Variants in DOCK3 observed in about 807,000 individuals in gnomAD.
The protein encoded by DOCK3 is dedicator of cytokinesis protein 3.
In DOCK3, 60 loss-of-function variants were observed where a neutral mutation model predicts 265.6. The ratio of observed to expected loss-of-function variants is 0.23; its 90% CI spans 0.18 to 0.28. DOCK3 has a LOEUF of 0.28. DOCK3 is among the 10% of genes least tolerant of loss of function. The pLI is 1.00. For synonymous variants in DOCK3, 881 were observed against 938.0 expected, an observed-to-expected ratio of 0.94 and a Z score of 1.11; for missense variants, 1,981 against 2,594.3, an observed-to-expected ratio of 0.76 and a Z score of 5.14.
At chr3:51,194,321 A>G (rs1319526482) in intron 12 of DOCK3, among the ~76,000 whole-genome samples, 4 of 152,166 alleles carry the variant, frequency 2.6e-5, no homozygotes, top group Non-Finnish European at 5.9e-5. Context: ...TTGTGGCCTA[A>G]CATTTGGTCT....
intron 22 of DOCK3, among the ~76,000 whole-genome samples, chr3:51,258,329 C>T (rs2108744076): frequency 6.6e-6 from 1 of 152,334 alleles, no homozygotes; most frequent in East Asian, 1.9e-4. Flanking sequence ...CCTGTCTTTA[C>T]TTCCAGTGCT....
chr3:51,143,954 C>T (rs982522980), intron 9 of DOCK3, among the ~76,000 whole-genome samples: 3 of 152,154 alleles, frequency 2.0e-5, no homozygotes, highest in South Asian at 4.1e-4. Flanking sequence ...ATACAAGATA[C>T]TTGTCTTCAT....
chr3:50,781,267 C>CTTTTT (rs34844040), intron 2 of DOCK3, among the ~76,000 whole-genome samples: 1 of 120,490 alleles, frequency 8.3e-6, no homozygotes, highest in Non-Finnish European at 1.7e-5. Context: ...TATAGTAGTT[C>CTTTTT]TTTTTTTTTT....
At chr3:51,082,307 C>T (rs1463907696) in intron 7 of DOCK3, among the ~76,000 whole-genome samples, 1 of 151,958 alleles carries the variant, frequency 6.6e-6, no homozygotes, top group Non-Finnish European at 1.5e-5. Flanking sequence ...ACCCGAATCT[C>T]CACACCCCTG....
intron 4 of DOCK3, chr3:50,901,545 G>C (rs2049196274): frequency 2.3e-6 from 1 of 444,344 alleles, no homozygotes; most frequent in Admixed American, 2.4e-5. Context: ...AGTTAGCTCA[G>C]TGTCTGCCCA....
chr3:50,889,927 A>G (rs956751353), intron 3 of DOCK3, 99 bp from the exon 4 acceptor site: 1 of 930,772 alleles, frequency 1.1e-6, no homozygotes, highest in Non-Finnish European at 1.5e-6. Flanking sequence ...CAGGAGATCT[A>G]CTATGTTTCT....
chr3:50,895,875 C>T (rs148032527), intron 4 of DOCK3, among the ~76,000 whole-genome samples: 2,904 of 152,148 alleles, frequency 0.019, 104 homozygotes, highest in African/African-American at 0.066. Context: ...CATAGTATTC[C>T]GTGGTGTGTA....
At chr3:50,988,547 G>C (rs1258732414) in intron 5 of DOCK3, among the ~76,000 whole-genome samples, 1 of 152,190 alleles carries the variant, frequency 6.6e-6, no homozygotes, top group African/African-American at 2.4e-5. Context: ...TGGTGAGATT[G>C]CTTTTTTAAG....
Position 51,374,370 on chromosome 3 carries a change from G to T in DOCK3, c.5294-99G>T. 1 of 1,107,034 alleles carries T rather than the reference G, an allele frequency of 9.0e-7. No individual in the cohort carries two copies. 68.6% of individuals were successfully genotyped at this position (1,107,034 alleles called of 1,614,324 possible). A position where few individuals can be genotyped will look rare whatever the true frequency, so the allele number is the denominator to read the frequency against. On this transcript the variant is annotated intron_variant, in intron 49 of 52. Coordinates refer to ENST00000266037, the MANE Select transcript of DOCK3 (RefSeq NM_004947.5). This position sits in a 1 kb window ranked among gnomAD's most constrained non-coding sequence, Gnocchi z 4.8. ...AGTTCATCCTCACCCTAACTGTAAGGGACACCTACCCTGGTTCCCTAGTCC... is the reference window on the plus strand; with the variant it reads ...AGTTCATCCTCACCCTAACTGTAAGTGACACCTACCCTGGTTCCCTAGTCC...
chr3:51,303,044 A>G (rs1293272617), intron 27 of DOCK3, among the ~76,000 whole-genome samples: 2 of 151,908 alleles, frequency 1.3e-5, no homozygotes, highest in African/African-American at 2.4e-5. Context: ...TCCCTGTCTC[A>G]TTCAGGTACC....
At chr3:51,312,993 T>TTAACATTCATAAA in intron 31 of DOCK3, 91 bp downstream of exon 31, 2 of 1,240,464 alleles carry the variant, frequency 1.6e-6, no homozygotes, top group Non-Finnish European at 2.3e-6. Flanking sequence ...GCTTTATGAA[T>TTAACATTCATAAA]GTTAATTCAG....
chr3:51,124,577 AAAG>A (rs2084180408), intron 9 of DOCK3, among the ~76,000 whole-genome samples: 1 of 152,226 alleles, frequency 6.6e-6, no homozygotes, highest in Non-Finnish European at 1.5e-5. Flanking sequence ...ACATGAAGCA[AAAG>A]AAGAAAATTA....
intron 23 of DOCK3, among the ~76,000 whole-genome samples, chr3:51,266,815 A>G (rs913697692): frequency 6.6e-6 from 1 of 152,240 alleles, no homozygotes; most frequent in Admixed American, 6.5e-5. Flanking sequence ...TCAAAAGCCA[A>G]AATTGACAAA....
intron 9 of DOCK3, among the ~76,000 whole-genome samples, chr3:51,144,505 A>G (rs1315277784): frequency 1.3e-5 from 2 of 152,236 alleles, no homozygotes; most frequent in South Asian, 2.1e-4. Flanking sequence ...TGCCCCATGC[A>G]TCTACTTTGA....
At chr3:51,115,614 G>A (rs562514849) in intron 9 of DOCK3, among the ~76,000 whole-genome samples, 39 of 152,250 alleles carry the variant, frequency 2.6e-4, no homozygotes, top group African/African-American at 8.7e-4. Context: ...TCTGATGATA[G>A]TTTCTTTTGC....
rs199706076 is a variant in DOCK3, at chr3:51,270,990, G to A, written c.2531G>A (p.Arg844His). Residue 844 changes from arginine (R) to histidine (H), a missense_variant, in exon 24 of 53, where the codon CGC becomes CAC. By Grantham distance (29) the Arg-to-His change is conservative (BLOSUM62 0). This residue lies in a region of DOCK3 where 1,357 missense variants were observed against 1,866.8 expected (regional missense o/e 0.73). Transcript: ENST00000266037. ...TCCATTGCCAGGACAGTGGATAGCC[G>A]CCTGTTTTCTTTCTCAGGTAAATCA... ...LQSIARTVDS[R>H]LFSFSESRRI... 410 of 1,612,014 alleles carry A rather than the reference G, an allele frequency of 2.5e-4. No homozygotes were observed. Among genetic ancestry groups the A allele is most frequent in the Admixed American group, 5.7e-4 (34 of 59,762 alleles).
In DOCK3 at chr3:50,981,515, A is replaced by G. The variant is rs537575051; in HGVS notation, c.315+47438A>G. Among the ~76,000 whole-genome samples, 28 of 152,338 alleles carry G rather than the reference A, an allele frequency of 1.8e-4. No individual in the cohort carries two copies. In the East Asian group the frequency reaches 4.2e-3, roughly 23 times the overall value. On this transcript the variant is annotated intron_variant, in intron 5 of 52. Coordinates refer to ENST00000266037, the MANE Select transcript of DOCK3 (RefSeq NM_004947.5). ...GTTTCTTTGTTGATTTTATGTCTCA[A>G]TGATCCATCCAATGCTGAGAGTGGG...
chr3:51,338,898 C>T lies in DOCK3; in HGVS notation c.3673-37C>T, dbSNP rs757278183. On this transcript the variant is annotated intron_variant, in intron 36 of 52. Coordinates refer to ENST00000266037, the MANE Select transcript of DOCK3 (RefSeq NM_004947.5). ...GCCCAGAGCTTGGCTATGGCTTCCA[C>T]AGGTAGTTGACAGGTGTTTCCTTCT... 106 of 1,538,610 alleles carry T rather than the reference C, an allele frequency of 6.9e-5. 1 individual carries two copies. The highest frequency in any genetic ancestry group is 3.8e-4 in the South Asian group (32 of 84,454).
At chr3:51,009,607 C>G (rs1163266036) in intron 5 of DOCK3, among the ~76,000 whole-genome samples, 1 of 152,064 alleles carries the variant, frequency 6.6e-6, no homozygotes, top group African/African-American at 2.4e-5. Context: ...TTTTTTGTAT[C>G]TCTATCTCCT....
Sources: gnomAD v4.1 joint callset for allele counts (sites outside exome capture counted in the v4.1 genomes callset) on GRCh38, gnomAD v4.1.1 for gene constraint, gnomAD v4.1.1 regional missense constraint, Gnocchi (gnomAD v3.1) non-coding constraint, MANE v1.5 for transcripts, NCBI Gene and HGNC (gene_info 2026-07-23, HGNC 2026-07-21) for gene names.